Variants in MYH13 observed in about 807,000 individuals in gnomAD.
The protein encoded by MYH13 is myosin heavy chain 13, also known as myosin-13.
MYH13 carries 177 observed loss-of-function variants against 232.1 expected under a neutral mutation model. That is an observed-to-expected ratio of 0.76 (90% CI 0.67 to 0.86). MYH13 has a LOEUF of 0.86. Ranked by LOEUF, MYH13 falls within the 40% of genes least tolerant of loss-of-function variation. The pLI is 0.00. For synonymous variants in MYH13, 884 were observed against 923.5 expected, an observed-to-expected ratio of 0.96 and a Z score of 0.78; for missense variants, 2,246 against 2,405.9, an observed-to-expected ratio of 0.93 and a Z score of 1.39.
intron 20 of MYH13, among the ~76,000 whole-genome samples, chr17:10,331,648 C>T (rs1195640762): frequency 2.0e-5 from 3 of 152,112 alleles, no homozygotes; most frequent in Admixed American, 6.6e-5. Context: ...TATGATCAAT[C>T]GCACTGCAGC....
chr17:10,350,950 G>A (rs1223960835), intron 11 of MYH13: 3 of 466,164 alleles, frequency 6.4e-6, no homozygotes, highest in African/African-American at 2.0e-5. Context: ...AGTCGGGCGC[G>A]GTGGCTCACG....
rs765252110 is a variant in MYH13 at position 10,340,327 on chromosome 17, C to G, written c.1968+1G>C. On this transcript the variant is annotated splice_donor_variant, in intron 17 of 40. Coordinates refer to ENST00000252172, the MANE Select transcript of MYH13 (RefSeq NM_003802.3). LOFTEE classifies it high-confidence loss of function. ...AATATGGAAGCTGCCAAAACACCAA[C>G]CCTGAACACGGCCGACACGGTCTGG... The G allele has an allele frequency of 6.2e-7, 1 of 1,613,918 alleles. No homozygotes were observed. The highest frequency in any genetic ancestry group is 1.1e-5 in the South Asian group (1 of 91,062).
intron 22 of MYH13, among the ~76,000 whole-genome samples, chr17:10,325,597 A>G (rs1907170771): frequency 6.6e-6 from 1 of 152,268 alleles, no homozygotes; most frequent in Non-Finnish European, 1.5e-5. Context: ...AAGATGCTGC[A>G]GTGAGTCTCT....
At position 10,306,547 on chromosome 17, in the gene MYH13, G is replaced by A. The variant is rs773006118; in HGVS notation, c.5378C>T (p.Thr1793Met). The change falls in exon 37 of 41, where the codon ACG (threonine) becomes ATG (methionine). Residue 1793 changes from threonine (T) to methionine (M), a missense_variant. Thr to Met is a moderately conservative substitution (Grantham distance 81). Transcript: ENST00000252172. The surrounding 1 kb of genome is among the most constrained non-coding windows in gnomAD (Gnocchi z 4.3). ...TAGACGGTGCTGCAGGTCCTTCACC[G>A]TCTGCTCCAGGTTCTTCTTCATCCG... is the stretch of plus-strand genomic sequence containing the variant. Reference protein sequence around the residue: ...LERMKKNLEQTVKDLQHRLDE... With the variant: ...LERMKKNLEQMVKDLQHRLDE... The A allele has an allele frequency of 3.8e-5, 62 of 1,614,010 alleles. No homozygotes were observed. The highest frequency in any genetic ancestry group is 6.7e-5 in the African/African-American group (5 of 74,980).
intron 26 of MYH13, 70 bp downstream of exon 26, chr17:10,320,083 G>C: frequency 8.7e-7 from 1 of 1,152,652 alleles, no homozygotes; most frequent in Admixed American, 2.2e-5. Context: ...AAAGAAACAA[G>C]GGGGAAGGAG....
chr17:10,351,410 T>C (rs1788165492), intron 11 of MYH13, among the ~76,000 whole-genome samples: 2 of 152,062 alleles, frequency 1.3e-5, no homozygotes, highest in African/African-American at 4.8e-5. Context: ...GTTCCAGCAT[T>C]GTTCAGACTC....
Position 10,330,535 on chromosome 17 carries a change from GA to G in MYH13, c.2299-13del. Reference sequence around the variant, plus strand: ...GCTTTGAAAAACACCTGCATTAAAAGACAGAGGAGCCTTGATCTTTTTCCCC... The same window carrying G: ...GCTTTGAAAAACACCTGCATTAAAAGCAGAGGAGCCTTGATCTTTTTCCCC... On this transcript the variant is annotated splice_polypyrimidine_tract_variant and intron_variant, in intron 20 of 40. Coordinates refer to ENST00000252172, the MANE Select transcript of MYH13 (RefSeq NM_003802.3). 6.3e-7 allele frequency: 1 copy of G among 1,598,738 alleles called. No individual in the cohort carries two copies. The highest frequency in any genetic ancestry group is 1.1e-5 in the South Asian group (1 of 88,514).
At chr17:10,320,059 G>A in intron 26 of MYH13, 94 bp downstream of exon 26, 1 of 903,298 alleles carries the variant, frequency 1.1e-6, no homozygotes, top group South Asian at 1.6e-5. Context: ...GCAGGAGGAA[G>A]GAAAGAAGCA....
rs2071875660 is a variant in MYH13, at chr17:10,371,253, CG to C, written c.-58del. 1 of 151,414 alleles carries C rather than the reference CG, an allele frequency of 6.6e-6. No individual in the cohort carries two copies. The highest frequency in any genetic ancestry group is 2.1e-4 in the South Asian group (1 of 4,798). 9.4% of individuals were successfully genotyped at this position (151,414 alleles called of 1,614,324 possible). On this transcript the variant is annotated 5_prime_UTR_variant, in exon 2 of 41. Coordinates refer to ENST00000252172, the MANE Select transcript of MYH13 (RefSeq NM_003802.3). Reference sequence around the variant, plus strand: ...CAGTCAGTGTCCTTCAGGAATAAAGCGTCTTCCTGGGGATAATTTGAGAAAA... The same window carrying C: ...CAGTCAGTGTCCTTCAGGAATAAAGCTCTTCCTGGGGATAATTTGAGAAAA...
At position 10,315,888 on chromosome 17, in the gene MYH13, C is replaced by T; in HGVS notation, c.3865+11G>A. The T allele has an allele frequency of 2.5e-6, 4 of 1,613,974 alleles. No homozygotes were observed. Among genetic ancestry groups the T allele is most frequent in the Non-Finnish European group, 3.4e-6 (4 of 1,179,882 alleles). Reference sequence around the variant, plus strand: ...TGGCCCGGCTGGACCCAGAGCCCTGCCCATTCTCACCATTTTGGGTCTGCA... The same window carrying T: ...TGGCCCGGCTGGACCCAGAGCCCTGTCCATTCTCACCATTTTGGGTCTGCA... On this transcript the variant is annotated intron_variant, in intron 28 of 40. Transcript: ENST00000252172.
chr17:10,312,836 T>G, intron 30 of MYH13, 79 bp from the exon 31 acceptor site: 1 of 1,450,548 alleles, frequency 6.9e-7, no homozygotes, highest in Non-Finnish European at 9.3e-7. Context: ...GGAAGAGAAA[T>G]GAATAGCGTG....
rs2071636811 is a variant in MYH13, at chr17:10,343,688, C to T, written c.1894+112G>A. The T allele has an allele frequency of 2.5e-6, 3 of 1,203,456 alleles. No individual in the cohort carries two copies. In the East Asian group the frequency reaches 7.7e-5, roughly 31 times the overall value. The allele number at this position is 1,203,456 out of a possible 1,614,324, so 74.5% of individuals were successfully genotyped here. On this transcript the variant is annotated intron_variant, in intron 16 of 40. Coordinates refer to ENST00000252172, the MANE Select transcript of MYH13 (RefSeq NM_003802.3). The stretch of plus-strand genomic sequence containing the variant: ...AAGAAAAATGGAGCTGAAAGAGAAA[C>T]ATCATACTCAGCTGAAGCTCATGTC...
intron 5 of MYH13, among the ~76,000 whole-genome samples, chr17:10,361,742 GT>G (rs1367823117): frequency 1.3e-5 from 2 of 152,240 alleles, no homozygotes; most frequent in Non-Finnish European, 2.9e-5. Context: ...GGGAGCCTGA[GT>G]TTGGGGAAGA....
At position 10,309,229 on chromosome 17, in the gene MYH13, C is replaced by G; in HGVS notation, c.5169+5G>C. On this transcript the variant is annotated splice_donor_5th_base_variant and intron_variant, in intron 35 of 40. Coordinates refer to ENST00000252172, the MANE Select transcript of MYH13 (RefSeq NM_003802.3). ...CCTTCAGCGGAGGAGTGAGGGCCGA[C>G]GCACCTGGGAGTGCAGGAGCTGCAC... is the stretch of plus-strand genomic sequence containing the variant. 3.1e-6 allele frequency: 5 copies of G among 1,612,126 alleles called. No individual in the cohort carries two copies. The highest frequency in any genetic ancestry group is 4.2e-6 in the Non-Finnish European group (5 of 1,179,410).
rs575523974 is a variant in MYH13 at position 10,306,828 on chromosome 17, C to T, written c.5295+111G>A. On this transcript the variant is annotated intron_variant, in intron 36 of 40. Coordinates refer to ENST00000252172, the MANE Select transcript of MYH13 (RefSeq NM_003802.3). The surrounding 1 kb of genome is among the most constrained non-coding windows in gnomAD (Gnocchi z 4.3). ...TCATTACATCTGTCTGGGAAGCCAC[C>T]ACTAACCGATTGTTGTCATAAGAGA... 2.8e-5 allele frequency: 44 copies of T among 1,569,438 alleles called. No individual in the cohort carries two copies. In the East Asian group the frequency reaches 8.3e-4, roughly 29 times the overall value.
intron 19 of MYH13, 79 bp from the exon 20 acceptor site, chr17:10,332,301 C>T (rs1040202077): frequency 1.3e-6 from 2 of 1,564,426 alleles, no homozygotes; most frequent in Middle Eastern, 3.4e-4. Context: ...CTAGAATCTT[C>T]TCCTGCTCAA....
At chr17:10,349,846 A>T (rs2071696007) in intron 12 of MYH13, among the ~76,000 whole-genome samples, 1 of 152,170 alleles carries the variant, frequency 6.6e-6, no homozygotes, top group Non-Finnish European at 1.5e-5. Context: ...GCACTGCTTC[A>T]CATACTGTGG....
In MYH13 at chr17:10,313,320, G is replaced by T. The variant is rs1906586022; in HGVS notation, c.4019C>A (p.Ser1340Tyr). 1 of 1,614,250 alleles carries T rather than the reference G, an allele frequency of 6.2e-7. No individual in the cohort carries two copies. Among genetic ancestry groups the T allele is most frequent in the African/African-American group, 1.3e-5 (1 of 75,066 alleles). ...CCGCAGCAGGTCACAGTCGTGGCGG[G>T]AGGACTGCAGGGCGTGCGCCATGGC... ...KNAMAHALQS[S>Y]RHDCDLLREQ... The change falls in exon 30 of 41, where the codon TCC (serine) becomes TAC (tyrosine). Residue 1340 changes from serine to tyrosine, a missense_variant. Physicochemically the swap from Ser to Tyr is moderately radical, Grantham distance 144. Coordinates refer to ENST00000252172, the MANE Select transcript of MYH13 (RefSeq NM_003802.3).
intron 5 of MYH13, among the ~76,000 whole-genome samples, chr17:10,361,732 G>C (rs1010393023): frequency 6.6e-6 from 1 of 152,206 alleles, no homozygotes; most frequent in African/African-American, 2.4e-5. Context: ...GGAGGTGAAG[G>C]GGAGCCTGAG....
Sources: gnomAD v4.1 joint callset for allele counts (sites outside exome capture counted in the v4.1 genomes callset) on GRCh38, gnomAD v4.1.1 for gene constraint, Gnocchi (gnomAD v3.1) non-coding constraint, MANE v1.5 for transcripts, NCBI Gene and HGNC (gene_info 2026-07-23, HGNC 2026-07-21) for gene names.